Variants in LARGE1 observed in about 807,000 individuals in gnomAD.
LARGE1 encodes xylosyl- and glucuronyltransferase LARGE1.
A neutral mutation model predicts 87.6 loss-of-function variants in LARGE1; 43 were observed. The observed-to-expected ratio is 0.49, with a 90% CI of 0.38 to 0.63. The LOEUF is 0.63. LARGE1 is among the 30% of genes least tolerant of loss of function. LARGE1 has a pLI of 0.00. For synonymous variants in LARGE1, 434 were observed against 394.6 expected, an observed-to-expected ratio of 1.10 and a Z score of -1.18; for missense variants, 802 against 1,000.2, an observed-to-expected ratio of 0.80 and a Z score of 2.67.
intron 1 of LARGE1, among the ~76,000 whole-genome samples, chr22:33,847,851 G>A (rs900233393): frequency 3.9e-5 from 6 of 152,096 alleles, no homozygotes; most frequent in African/African-American, 1.2e-4. Context: ...GCCTTAACTC[G>A]CTCATTCACG....
intron 1 of LARGE1, among the ~76,000 whole-genome samples, chr22:33,829,293 G>A (rs2062897327): frequency 6.6e-6 from 1 of 152,074 alleles, no homozygotes; most frequent in South Asian, 2.1e-4. Context: ...ACAGGTGTGA[G>A]CCACCGCACC....
intron 6 of LARGE1, among the ~76,000 whole-genome samples, chr22:33,505,383 G>C (rs1233304310): frequency 6.6e-6 from 1 of 152,220 alleles, no homozygotes; most frequent in Non-Finnish European, 1.5e-5. Context: ...GTAGAGATGA[G>C]AGGATCCAAA....
At chr22:33,445,408 C>T (rs887480795) in intron 6 of LARGE1, among the ~76,000 whole-genome samples, 5 of 152,014 alleles carry the variant, frequency 3.3e-5, no homozygotes, top group East Asian at 1.9e-4. Flanking sequence ...GGAAGTTAGC[C>T]AAAAAGGTTG....
intron 1 of LARGE1, among the ~76,000 whole-genome samples, chr22:33,832,287 T>C (rs2062993527): frequency 6.6e-6 from 1 of 152,090 alleles, no homozygotes; most frequent in Non-Finnish European, 1.5e-5. Flanking sequence ...TGGAGTCCCA[T>C]TCTCATCGGT....
chr22:33,151,247 A>G, the LARGE1 span, among the ~76,000 whole-genome samples: 6 of 152,090 alleles, frequency 3.9e-5, no homozygotes, highest in African/African-American at 9.7e-5. Context: ...TATATTTCCA[A>G]TTGTTCACTG....
At chr22:33,537,772 T>C (rs1312696526) in intron 6 of LARGE1, among the ~76,000 whole-genome samples, 8 of 152,030 alleles carry the variant, frequency 5.3e-5, no homozygotes, top group African/African-American at 1.9e-4. Context: ...AGGGTTTCAC[T>C]ATACTGGCCA....
At chr22:33,508,153 C>A (rs1032982642) in intron 6 of LARGE1, among the ~76,000 whole-genome samples, 1 of 152,176 alleles carries the variant, frequency 6.6e-6, no homozygotes, top group African/African-American at 2.4e-5. Flanking sequence ...GTGGAGCACA[C>A]AGAATCTACA....
chr22:33,118,643 G>T, the LARGE1 span, among the ~76,000 whole-genome samples: 1 of 152,078 alleles, frequency 6.6e-6, no homozygotes, highest in African/African-American at 2.4e-5. Context: ...GTCCTCCAAA[G>T]GTTCACAGAT....
intron 13 of LARGE1, among the ~76,000 whole-genome samples, chr22:33,280,814 C>G (rs932082170): frequency 9.2e-5 from 14 of 152,170 alleles, no homozygotes; most frequent in Non-Finnish European, 1.5e-4. Flanking sequence ...TTGCTTTAAG[C>G]AGTGGTTCTC....
chr22:33,133,955 T>A, the LARGE1 span, among the ~76,000 whole-genome samples: 2 of 152,332 alleles, frequency 1.3e-5, no homozygotes, highest in South Asian at 4.1e-4. Context: ...AAGCATTTAA[T>A]AATTCAATAA....
chr22:33,329,195 C>T (rs967919266), intron 10 of LARGE1, among the ~76,000 whole-genome samples: 1 of 152,144 alleles, frequency 6.6e-6, no homozygotes, highest in African/African-American at 2.4e-5. Context: ...GATAAAGAAG[C>T]TGGGCATAGG....
chr22:33,837,028 C>A (rs1004751610), intron 1 of LARGE1, among the ~76,000 whole-genome samples: 3 of 152,008 alleles, frequency 2.0e-5, no homozygotes, highest in Non-Finnish European at 2.9e-5. Flanking sequence ...GTGGCTAGAA[C>A]CCAGGCAGCA....
chr22:33,634,437 C>T (rs999889472), intron 3 of LARGE1, among the ~76,000 whole-genome samples: 3 of 152,158 alleles, frequency 2.0e-5, no homozygotes, highest in Non-Finnish European at 2.9e-5. Flanking sequence ...AAAAACTCAA[C>T]ACATGTTAAC....
At chr22:33,407,739 C>T (rs946780005) in intron 7 of LARGE1, among the ~76,000 whole-genome samples, 1 of 152,066 alleles carries the variant, frequency 6.6e-6, no homozygotes. Flanking sequence ...CTGTGGACCT[C>T]GGTCAGCAAA....
intron 7 of LARGE1, among the ~76,000 whole-genome samples, chr22:33,431,271 C>T (rs1321587713): frequency 1.3e-5 from 2 of 152,186 alleles, no homozygotes; most frequent in Non-Finnish European, 2.9e-5. Context: ...TCTGCTGCAG[C>T]TAGCATAGGG....
intron 6 of LARGE1, among the ~76,000 whole-genome samples, chr22:33,562,673 A>G (rs778369162): frequency 5.9e-5 from 9 of 152,122 alleles, no homozygotes; most frequent in Non-Finnish European, 1.3e-4. Context: ...CCTTCCACGG[A>G]TGATATCAGC....
At chr22:33,684,117 C>T (rs749488281) in intron 2 of LARGE1, among the ~76,000 whole-genome samples, 5 of 152,076 alleles carry the variant, frequency 3.3e-5, no homozygotes, top group Admixed American at 2.0e-4. Context: ...GATTTAGTAC[C>T]GAACGTGCTT....
chr22:33,327,029 C>T lies in LARGE1; in HGVS notation c.1287+10617G>A, dbSNP rs73885048. 6.6e-3 allele frequency among the ~76,000 whole-genome samples: 1,006 copies of T among 152,306 alleles called. 15 individuals are homozygous for T. The highest frequency in any genetic ancestry group is 0.021 in the African/African-American group (863 of 41,552). ...GGTCTGTCCATCCTGGGCTCTGCTG[C>T]CTGCTGCGTGACTGAAGAGTTGGCG... On this transcript the variant is annotated intron_variant, in intron 10 of 14. Transcript: ENST00000397394.
At chr22:33,418,737 G>A (rs1301351605) in intron 7 of LARGE1, among the ~76,000 whole-genome samples, 2 of 152,172 alleles carry the variant, frequency 1.3e-5, no homozygotes, top group African/African-American at 4.8e-5. Flanking sequence ...GCAGGGAAGA[G>A]GAGGGGCTGT....
Sources: allele counts gnomAD v4.1 joint callset (sites outside exome capture counted in the v4.1 genomes callset), GRCh38; gene constraint gnomAD v4.1.1; transcripts MANE v1.5; gene names NCBI Gene and HGNC (gene_info 2026-07-23, HGNC 2026-07-21).